The following BLTP3A variants were observed in gnomAD, a reference collection of about 807,000 sequenced individuals.
BLTP3A encodes bridge-like lipid transfer protein family member 3A.
the BLTP3A span, among the ~76,000 whole-genome samples, chr6:34,862,918 T>C: frequency 1.3e-5 from 2 of 151,768 alleles, no homozygotes; most frequent in Non-Finnish European, 2.9e-5. Context: ...TTTGCTTTTT[T>C]TTTTTATTGA....
the BLTP3A span, among the ~76,000 whole-genome samples, chr6:34,818,527 A>G: frequency 1.3e-5 from 2 of 152,142 alleles, no homozygotes; most frequent in South Asian, 2.1e-4. Context: ...AACACTAAGT[A>G]CGTAAATAGA....
At chr6:34,874,766 A>G in the BLTP3A span, 2 of 152,246 alleles carry the variant, frequency 1.3e-5, no homozygotes, top group Non-Finnish European at 2.9e-5. Context: ...ATCATCAGGA[A>G]GGGCTTTTGG....
chr6:34,798,732 C>A, the BLTP3A span, among the ~76,000 whole-genome samples: 1 of 150,974 alleles, frequency 6.6e-6, no homozygotes, highest in African/African-American at 2.4e-5. Flanking sequence ...AGCATAAGAT[C>A]TTTTTTGGAG....
At chr6:34,860,501 A>G in the BLTP3A span, among the ~76,000 whole-genome samples, 1 of 152,324 alleles carries the variant, frequency 6.6e-6, no homozygotes, top group East Asian at 1.9e-4. Flanking sequence ...AGTACCTGCT[A>G]GGACAGACAG....
the BLTP3A span, among the ~76,000 whole-genome samples, chr6:34,802,120 G>A: frequency 2.2e-4 from 33 of 152,210 alleles, no homozygotes; most frequent in South Asian, 1.0e-3. Flanking sequence ...ATTTGTCACC[G>A]TTTTGGAAAA....
the BLTP3A span, among the ~76,000 whole-genome samples, chr6:34,848,032 A>C: frequency 1.4e-5 from 2 of 144,614 alleles, no homozygotes; most frequent in African/African-American, 2.6e-5. Flanking sequence ...TGATCCTCCA[A>C]CCTCAGCCTC....
chr6:34,845,014 T>C, the BLTP3A span, among the ~76,000 whole-genome samples: 1 of 152,198 alleles, frequency 6.6e-6, no homozygotes, highest in African/African-American at 2.4e-5. Flanking sequence ...TTAATCCATT[T>C]TGATTTGATT....
chr6:34,801,411 G>C, the BLTP3A span, among the ~76,000 whole-genome samples: 4 of 151,822 alleles, frequency 2.6e-5, no homozygotes, highest in African/African-American at 9.7e-5. Context: ...GCTGGGGAGA[G>C]GGGGGAAAAG....
chr6:34,820,274 A>G, the BLTP3A span, among the ~76,000 whole-genome samples: 1 of 151,680 alleles, frequency 6.6e-6, no homozygotes, highest in African/African-American at 2.4e-5. Flanking sequence ...TATCTTGCTC[A>G]TTTTTAATTC....
the BLTP3A span, among the ~76,000 whole-genome samples, chr6:34,798,161 C>T: frequency 6.6e-6 from 1 of 152,158 alleles, no homozygotes; most frequent in African/African-American, 2.4e-5. Flanking sequence ...TATATTTATA[C>T]ATTTATGTCT....
At chr6:34,858,932 T>C in the BLTP3A span, 32 of 1,614,050 alleles carry the variant, frequency 2.0e-5, no homozygotes, top group Non-Finnish European at 2.5e-5. Flanking sequence ...ACAGAGTCAA[T>C]GACTGGGTCT....
chr6:34,794,652 A>C, the BLTP3A span, among the ~76,000 whole-genome samples: 1 of 152,340 alleles, frequency 6.6e-6, no homozygotes, highest in Non-Finnish European at 1.5e-5. Flanking sequence ...TGGCTGAGGA[A>C]ACTAAAGCCT....
At chr6:34,800,853 A>T in the BLTP3A span, among the ~76,000 whole-genome samples, 1 of 152,086 alleles carries the variant, frequency 6.6e-6, no homozygotes, top group Non-Finnish European at 1.5e-5. Flanking sequence ...TCAGCCTCTT[A>T]AGTAGCTGGG....
the BLTP3A span, chr6:34,823,303 G>A: frequency 5.0e-6 from 8 of 1,613,984 alleles, no homozygotes; most frequent in South Asian, 3.3e-5. Context: ...GAGGATCCTC[G>A]GCCCCCCAAT....
the BLTP3A span, chr6:34,867,714 T>C: frequency 7.0e-7 from 1 of 1,427,312 alleles, no homozygotes; most frequent in Non-Finnish European, 9.3e-7. Context: ...GCAGCCACTC[T>C]ACTAGTGCCA....
the BLTP3A span, among the ~76,000 whole-genome samples, chr6:34,850,572 G>T: frequency 6.6e-6 from 1 of 151,946 alleles, no homozygotes; most frequent in African/African-American, 2.4e-5. Context: ...TATCTCCCCT[G>T]ATTATGCTTT....
chr6:34,852,458 A>G, the BLTP3A span, among the ~76,000 whole-genome samples: 1 of 152,186 alleles, frequency 6.6e-6, no homozygotes, highest in Non-Finnish European at 1.5e-5. Flanking sequence ...GGGGGCCTCA[A>G]GACTCTGCCT....
At chr6:34,835,271 C>T in the BLTP3A span, 4 of 1,611,754 alleles carry the variant, frequency 2.5e-6, no homozygotes, top group East Asian at 2.2e-5. Context: ...TGATAAACCC[C>T]ATGTTGTCTG....
chr6:34,858,410 A>T, the BLTP3A span: 14 of 1,613,952 alleles, frequency 8.7e-6, no homozygotes, highest in South Asian at 1.4e-4. Flanking sequence ...CTCCCTCCCC[A>T]GAGACCTAAG....
Sources: gnomAD v4.1 joint callset for allele counts (sites outside exome capture counted in the v4.1 genomes callset) on GRCh38, gnomAD v4.1.1 for gene constraint, MANE v1.5 for transcripts, NCBI Gene and HGNC (gene_info 2026-07-23, HGNC 2026-07-21) for gene names.